Variants in SLC9A9 observed in about 807,000 individuals in gnomAD.
The protein encoded by SLC9A9 is sodium/hydrogen exchanger 9.
Under a neutral mutation model 77.8 loss-of-function variants are expected in SLC9A9, and 62 were observed. The ratio of observed to expected loss-of-function variants is 0.80; its 90% confidence interval spans 0.65 to 0.98. SLC9A9 has a LOEUF of 0.98. Ranked by LOEUF, SLC9A9 falls within the 50% of genes least tolerant of loss-of-function variation. The pLI is 0.00. For missense variants in SLC9A9, 775 were observed against 774.9 expected (o/e 1.00, Z 0.00); for synonymous variants, 320 against 283.5 (o/e 1.13, Z -1.29).
intron 1 of SLC9A9, among the ~76,000 whole-genome samples, chr3:143,832,538 G>T (rs1318035394): frequency 2.8e-4 from 42 of 151,982 alleles, no homozygotes; most frequent in Admixed American, 2.8e-3. Flanking sequence ...CCTTTGCTCT[G>T]TGATAGACAC....
intron 5 of SLC9A9, among the ~76,000 whole-genome samples, chr3:143,683,052 TTAA>T (rs1933152339): frequency 6.6e-6 from 1 of 152,186 alleles, no homozygotes; most frequent in Non-Finnish European, 1.5e-5. Context: ...AAATTTACTA[TTAA>T]TGTTTTAGGT....
intron 1 of SLC9A9, among the ~76,000 whole-genome samples, chr3:143,834,798 T>C (rs553393936): frequency 6.6e-6 from 1 of 152,044 alleles, no homozygotes; most frequent in African/African-American, 2.4e-5. Context: ...CACATTGAAG[T>C]GAACAGAGGA....
At chr3:143,624,496 C>G (rs140785583) in intron 6 of SLC9A9, among the ~76,000 whole-genome samples, 543 of 152,264 alleles carry the variant, frequency 3.6e-3, no homozygotes, top group Non-Finnish European at 6.1e-3. Context: ...AGCATATAAA[C>G]AAAACCAATG....
chr3:143,728,113 T>A (rs1301615891), intron 4 of SLC9A9, among the ~76,000 whole-genome samples: 1 of 152,214 alleles, frequency 6.6e-6, no homozygotes, highest in African/African-American at 2.4e-5. Context: ...ATAACCACAT[T>A]TCTAAGGACA....
chr3:143,797,126 G>C (rs967136612), intron 2 of SLC9A9, among the ~76,000 whole-genome samples: 3 of 149,438 alleles, frequency 2.0e-5, no homozygotes, highest in Non-Finnish European at 4.4e-5. Context: ...CCACACTATA[G>C]CTAACAACAA....
At chr3:143,556,589 A>G (rs534662131) in intron 8 of SLC9A9, among the ~76,000 whole-genome samples, 1 of 152,304 alleles carries the variant, frequency 6.6e-6, no homozygotes, top group African/African-American at 2.4e-5. Context: ...AGGAGCTTCT[A>G]GATTCATTTC....
chr3:143,588,288 C>T (rs2037580474), intron 6 of SLC9A9, among the ~76,000 whole-genome samples: 1 of 152,258 alleles, frequency 6.6e-6, no homozygotes, highest in African/African-American at 2.4e-5. Flanking sequence ...CCAGGCCTGC[C>T]AGGAAAGGTA....
rs775129085 is a variant in SLC9A9, at chr3:143,574,089, T to C, written c.999A>G (p.Thr333=). The C allele has an allele frequency of 3.1e-6, 5 of 1,612,736 alleles. No individual in the cohort carries two copies. The South Asian group carries it at 4.4e-5, about 14-fold the overall frequency. Residue 333 remains threonine, a splice_region_variant and synonymous_variant, in exon 8 of 16, where the codon ACA becomes ACG. Transcript: ENST00000316549. ...AFLSAEAAGL[T]GIVAVLFCGV... Reference sequence around the variant, plus strand: ...GGCTGTGCAGCATGAAGCACTGACCTGTTAGGCCGGCAGCCTCGGCAGACA... The same window carrying C: ...GGCTGTGCAGCATGAAGCACTGACCCGTTAGGCCGGCAGCCTCGGCAGACA...
At chr3:143,807,694 G>C (rs529068157) in intron 2 of SLC9A9, among the ~76,000 whole-genome samples, 2 of 152,202 alleles carry the variant, frequency 1.3e-5, no homozygotes, top group African/African-American at 4.8e-5. Context: ...GCAGTAAGCC[G>C]AGATGGCGCC....
chr3:143,337,090 A>G (rs2031949091), intron 14 of SLC9A9, among the ~76,000 whole-genome samples: 1 of 152,194 alleles, frequency 6.6e-6, no homozygotes, highest in Non-Finnish European at 1.5e-5. Context: ...ATTTTAAAGG[A>G]AACTATTTAT....
chr3:143,575,711 G>A (rs1370982676), intron 7 of SLC9A9, among the ~76,000 whole-genome samples: 1 of 152,090 alleles, frequency 6.6e-6, no homozygotes, highest in East Asian at 1.9e-4. Context: ...GAATGTTCAG[G>A]GCAGGTGAGT....
intron 4 of SLC9A9, among the ~76,000 whole-genome samples, chr3:143,786,514 A>G (rs571547597): frequency 4.6e-5 from 7 of 151,892 alleles, no homozygotes; most frequent in African/African-American, 1.7e-4. Flanking sequence ...CACCTCTTTC[A>G]CCTCTAAACT....
At chr3:143,454,524 AT>A (rs1455651341) in intron 12 of SLC9A9, among the ~76,000 whole-genome samples, 1 of 152,078 alleles carries the variant, frequency 6.6e-6, no homozygotes, top group Non-Finnish European at 1.5e-5. Flanking sequence ...GTCAAGGTTC[AT>A]TTTTTGGCCT....
chr3:143,269,927 A>G (rs1465513658), intron 14 of SLC9A9, among the ~76,000 whole-genome samples: 1 of 152,240 alleles, frequency 6.6e-6, no homozygotes, highest in African/African-American at 2.4e-5. Flanking sequence ...GAGTCCATCC[A>G]TAGCTGGATA....
chr3:143,529,339 A>C (rs2036464634), intron 9 of SLC9A9, among the ~76,000 whole-genome samples: 1 of 152,228 alleles, frequency 6.6e-6, no homozygotes, highest in African/African-American at 2.4e-5. Context: ...AGAGACCCAG[A>C]GGATTTCTTA....
chr3:143,275,079 G>C (rs1006786120), intron 14 of SLC9A9, among the ~76,000 whole-genome samples: 1 of 152,078 alleles, frequency 6.6e-6, no homozygotes, highest in Non-Finnish European at 1.5e-5. Context: ...TCTCAGCAAG[G>C]GTTCATGGGA....
chr3:143,820,078 A>G (rs79633815), intron 2 of SLC9A9, among the ~76,000 whole-genome samples: 3,213 of 152,298 alleles, frequency 0.021, 103 homozygotes, highest in African/African-American at 0.066. Context: ...ACACTATTCT[A>G]AGTGCTTCAC....
chr3:143,712,559 A>C (rs371081501), intron 4 of SLC9A9, among the ~76,000 whole-genome samples: 41 of 150,828 alleles, frequency 2.7e-4, no homozygotes, highest in African/African-American at 1.0e-3. Flanking sequence ...ACCCTAGGCA[A>C]GTTAGCTGTT....
intron 6 of SLC9A9, chr3:143,627,338 A>G (rs914366652): frequency 9.5e-6 from 2 of 210,956 alleles, no homozygotes; most frequent in African/African-American, 4.6e-5. Flanking sequence ...TGGGGAATAG[A>G]TATCAGCTTC....
Sources: allele counts gnomAD v4.1 joint callset (sites outside exome capture counted in the v4.1 genomes callset), GRCh38; gene constraint gnomAD v4.1.1; transcripts MANE v1.5; gene names NCBI Gene and HGNC (gene_info 2026-07-23, HGNC 2026-07-21).